The following ZNF600 variants were observed in gnomAD, a reference collection of about 807,000 sequenced individuals.
ZNF600 encodes the protein zinc finger protein KR-ZNF1.
Under a neutral mutation model 7.3 loss-of-function variants are expected in ZNF600, and 4 were observed. The observed-to-expected ratio is 0.55, with a 90% CI of 0.27 to 1.25. The LOEUF (loss-of-function observed/expected upper bound fraction) is 1.25, where lower values mean the gene tolerates loss of function less well. Ranked by LOEUF, ZNF600 falls within the 50% of genes most tolerant of loss-of-function variation. The probability of loss-of-function intolerance (pLI) is 0.12; values close to 1 mark genes in which losing one functional copy is unlikely to be tolerated. For synonymous variants in ZNF600, 290 were observed against 308.9 expected (o/e 0.94, Z 0.64); for missense variants, 911 against 922.1 (o/e 0.99, Z 0.16).
chr19:52,796,765 G>C, the ZNF600 span, among the ~76,000 whole-genome samples: 4,086 of 152,264 alleles, frequency 0.027, 171 homozygotes, highest in African/African-American at 0.091. Flanking sequence ...ACTGCATCTG[G>C]TCTCATCGCA....
At position 52,766,704 on chromosome 19, in the gene ZNF600, ATTCTT is replaced by A; in HGVS notation, c.1254_1258del (p.Lys418AsnfsTer11). Reference sequence around the variant, plus strand: ...CTTGTAAGTTTTCTCTCCAGTGTGAATTCTTTTATGTCTTGCCAGCTGAGAATTCC... The same window carrying A: ...CTTGTAAGTTTTCTCTCCAGTGTGAATTATGTCTTGCCAGCTGAGAATTCC... On this transcript the variant is annotated frameshift_variant, in exon 4 of 4. Transcript: ENST00000648973. LOFTEE classifies it low-confidence loss of function (END_TRUNC). 6.2e-7 allele frequency: 1 copy of A among 1,612,640 alleles called. No individual in the cohort carries two copies. Among genetic ancestry groups the A allele is most frequent in the South Asian group, 1.1e-5 (1 of 90,974 alleles).
chr19:52,799,898 G>T, the ZNF600 span: 4 of 1,613,346 alleles, frequency 2.5e-6, no homozygotes, highest in Middle Eastern at 3.3e-4. Flanking sequence ...GGTATACGAG[G>T]GATGACATCT....
chr19:52,786,466 G>GA (rs2062764496), intron 1 of ZNF600, 129 bp downstream of exon 1: 1 of 152,476 alleles, frequency 6.6e-6, no homozygotes, highest in Non-Finnish European at 1.5e-5. Flanking sequence ...GGAATAGTCA[G>GA]AAAAATGTTT....
the ZNF600 span, among the ~76,000 whole-genome samples, chr19:52,825,898 G>A: frequency 0.42 from 63,316 of 152,056 alleles, 14,740 homozygotes; most frequent in Non-Finnish European, 0.53. Flanking sequence ...TGAGGCACAA[G>A]AATCACTTGA....
intron 1 of ZNF600, among the ~76,000 whole-genome samples, 110 bp downstream of exon 3, chr19:52,780,471 T>A (rs918903512): frequency 6.6e-6 from 1 of 151,924 alleles, no homozygotes; most frequent in East Asian, 1.9e-4. Context: ...AAGCGACCAG[T>A]GGGGCTGGAA....
the ZNF600 span, among the ~76,000 whole-genome samples, chr19:52,820,668 T>C: frequency 1.3e-5 from 2 of 152,100 alleles, no homozygotes; most frequent in Non-Finnish European, 2.9e-5. Context: ...TCTCCCTCAC[T>C]CTGATGAGCC....
chr19:52,765,970 A>G lies in ZNF600; in HGVS notation c.1993T>C (p.Tyr665His), dbSNP rs577815750. Residue 665 changes from tyrosine (Y) to histidine (H), a missense_variant, in exon 4 of 4, where the codon TAC becomes CAC. By Grantham distance (83) the Tyr-to-His change is moderately conservative. Coordinates refer to ENST00000648973, the Ensembl canonical transcript of ZNF600. ...TGAATTCTGGTATGTCTTGCCAGGT[A>G]TGAATTACGCACGAAAGCCTTGTCA... The G allele has an allele frequency of 9.0e-5, 146 of 1,614,084 alleles. 1 individual carries two copies. In the Admixed American group the frequency reaches 2.3e-3, roughly 25 times the overall value.
At chr19:52,784,876 A>C (rs2062751179) in intron 1 of ZNF600, among the ~76,000 whole-genome samples, 1 of 152,116 alleles carries the variant, frequency 6.6e-6, no homozygotes, top group Admixed American at 6.6e-5. Context: ...GCAGGTGCAC[A>C]CTATCACACC....
the ZNF600 span, among the ~76,000 whole-genome samples, chr19:52,823,502 CA>C: frequency 3.3e-5 from 5 of 152,200 alleles, no homozygotes. Context: ...AGGCGTGCGC[CA>C]CCGCACCTGG....
chr19:52,767,417 C>A (rs1465658913), exon 4 of ZNF600: 7 of 1,614,034 alleles, frequency 4.3e-6, no homozygotes, highest in Non-Finnish European at 5.9e-6. Context: ...CACTGGTAGA[C>A]TTCTCAAATT....
intron 3 of ZNF600, among the ~76,000 whole-genome samples, chr19:52,773,285 T>C (rs1358127921): frequency 6.6e-6 from 1 of 152,172 alleles, no homozygotes. Context: ...TGGTAAAATA[T>C]TGACCCAAGG....
the ZNF600 span, among the ~76,000 whole-genome samples, chr19:52,817,151 T>A: frequency 6.6e-6 from 1 of 152,104 alleles, no homozygotes; most frequent in Non-Finnish European, 1.5e-5. Flanking sequence ...AGTAGGCGGA[T>A]CGCCTGAGGT....
chr19:52,801,343 T>G, the ZNF600 span: 1 of 1,614,194 alleles, frequency 6.2e-7, no homozygotes, highest in South Asian at 1.1e-5. Flanking sequence ...GCATTGTTGA[T>G]AGACTTCTCA....
At chr19:52,810,236 T>C in the ZNF600 span, 5 of 1,184,898 alleles carry the variant, frequency 4.2e-6, no homozygotes, top group Non-Finnish European at 6.3e-6. Flanking sequence ...AGCAGAGGAA[T>C]ATGAGTCTAC....
the ZNF600 span, chr19:52,799,022 G>GT: frequency 2.8e-6 from 2 of 702,656 alleles, no homozygotes; most frequent in Non-Finnish European, 4.5e-6. Context: ...ACATTTGTAT[G>GT]TTTTTTCTCC....
the ZNF600 span, among the ~76,000 whole-genome samples, chr19:52,807,290 A>C: frequency 6.6e-6 from 1 of 152,172 alleles, no homozygotes; most frequent in African/African-American, 2.4e-5. Flanking sequence ...GAAAGAAGAC[A>C]TTACAGATGA....
At chr19:52,798,661 G>A in the ZNF600 span, 1 of 435,654 alleles carries the variant, frequency 2.3e-6, no homozygotes, top group Non-Finnish European at 4.6e-6. Flanking sequence ...CTTGACTGAA[G>A]ACCTTGCCAC....
exon 4 of ZNF600, chr19:52,766,206 C>A (rs747468038): frequency 6.2e-7 from 1 of 1,613,354 alleles, no homozygotes; most frequent in Non-Finnish European, 8.5e-7. Context: ...ATGAACTCTG[C>A]GATGGCTTGC....
At chr19:52,815,720 G>C in the ZNF600 span, among the ~76,000 whole-genome samples, 3 of 145,826 alleles carry the variant, frequency 2.1e-5, no homozygotes. Flanking sequence ...AGCTACTCGG[G>C]AGGCTGAGGC....
Sources: gnomAD v4.1 joint callset for allele counts (sites outside exome capture counted in the v4.1 genomes callset) on GRCh38, gnomAD v4.1.1 for gene constraint, MANE v1.5 for transcripts, NCBI Gene and HGNC (gene_info 2026-07-23, HGNC 2026-07-21) for gene names.